Variants in RAB37 observed in about 807,000 individuals in gnomAD.
The protein encoded by RAB37 is ras-related protein Rab-37.
RAB37 carries 29 observed loss-of-function variants against 33.1 expected under a neutral mutation model. That is an observed-to-expected ratio of 0.88 (90% CI 0.65 to 1.20). The LOEUF is 1.20. Among genes scored for constraint, RAB37 ranks in the 50% most tolerant of loss-of-function variants. The pLI, the probability that RAB37 is intolerant of heterozygous loss-of-function variation, is 0.00. For missense variants in RAB37, 299 were observed against 301.1 expected (o/e 0.99, Z 0.05); for synonymous variants, 128 against 119.5 (o/e 1.07, Z -0.47).
chr17:74,683,805 C>A (rs1053140774), intron 1 of RAB37, among the ~76,000 whole-genome samples: 6 of 152,074 alleles, frequency 3.9e-5, no homozygotes, highest in Non-Finnish European at 8.8e-5. Flanking sequence ...ATGCTTTGGG[C>A]CAGATGGCAA....
rs1393913317 is a variant in RAB37 at position 74,730,249 on chromosome 17, T to C, written c.183+883T>C. 6.6e-6 allele frequency among the ~76,000 whole-genome samples: 1 copy of C among 152,178 alleles called. No individual in the cohort carries two copies. The highest frequency in any genetic ancestry group is 1.5e-5 in the Non-Finnish European group (1 of 68,040). On this transcript the variant is annotated intron_variant, in intron 2 of 7. Transcript: ENST00000340415. The surrounding 1 kb of genome is among the most constrained non-coding windows in gnomAD (Gnocchi z 4.4). ...GATGGGGAAGAGCAAACATCTCTTC[T>C]TGGACAACGCGGATGTTTGGGAACC...
intron 1 of RAB37, among the ~76,000 whole-genome samples, chr17:74,701,325 C>A (rs1404232261): frequency 1.3e-5 from 2 of 152,256 alleles, no homozygotes; most frequent in Non-Finnish European, 2.9e-5. Flanking sequence ...ATTCTTGTAC[C>A]CTTTTTAATT....
intron 1 of RAB37, among the ~76,000 whole-genome samples, chr17:74,706,864 T>G (rs915381379): frequency 6.6e-6 from 1 of 152,128 alleles, no homozygotes; most frequent in African/African-American, 2.4e-5. Context: ...AAGCGGGCCC[T>G]GTGACAAGAA....
intron 1 of RAB37, among the ~76,000 whole-genome samples, chr17:74,728,693 C>T (rs1212499991): frequency 1.3e-5 from 2 of 149,272 alleles, no homozygotes; most frequent in African/African-American, 4.9e-5. Flanking sequence ...CATGTGTGTT[C>T]TGTGCATGTG....
chr17:74,703,252 T>C (rs1050221258), intron 1 of RAB37: 18 of 796,280 alleles, frequency 2.3e-5, no homozygotes, highest in Non-Finnish European at 1.4e-5. Flanking sequence ...GGACTGCTAC[T>C]ATGGGAAGGG....
At chr17:74,732,367 C>T (rs769878770), upstream of RAB37, among the ~76,000 whole-genome samples, 10 of 151,318 alleles carry the variant, frequency 6.6e-5, no homozygotes, top group Non-Finnish European at 1.2e-4. Flanking sequence ...TCCCACATCC[C>T]GACCCTGTGC....
intron 2 of RAB37, among the ~76,000 whole-genome samples, chr17:74,741,560 T>C (rs986032961): frequency 2.3e-5 from 3 of 133,148 alleles, no homozygotes; most frequent in African/African-American, 6.1e-5. Context: ...CACTCCAGCC[T>C]GGGCAACAAA....
intron 1 of RAB37, among the ~76,000 whole-genome samples, chr17:74,706,008 C>A (rs2033474518): frequency 6.6e-6 from 1 of 152,114 alleles, no homozygotes; most frequent in South Asian, 2.1e-4. Flanking sequence ...AAACCAAATA[C>A]CGCATGTTCT....
chr17:74,671,650 C>T lies in RAB37; in HGVS notation c.64C>T (p.Leu22=). 6.2e-7 allele frequency: 1 copy of T among 1,614,180 alleles called. No homozygotes were observed. Among genetic ancestry groups the T allele is most frequent in the South Asian group, 1.1e-5 (1 of 91,086 alleles). Reference sequence around the variant, plus strand: ...TGGCCCTGACTTCAACGACCACGTCCTGCATAAGGTAAACATCTCCTGTAT... The same window carrying T: ...TGGCCCTGACTTCAACGACCACGTCTTGCATAAGGTAAACATCTCCTGTAT... Residue 22 remains leucine (L), a synonymous_variant, in exon 1 of 8, where the codon CTG becomes TTG. Coordinates refer to the RAB37 transcript ENST00000340415. This position sits in a 1 kb window ranked among gnomAD's most constrained non-coding sequence, Gnocchi z 5.0.
intron 1 of RAB37, among the ~76,000 whole-genome samples, chr17:74,710,093 C>T (rs1450948086): frequency 6.6e-6 from 1 of 152,150 alleles, no homozygotes; most frequent in Non-Finnish European, 1.5e-5. Context: ...ATTCTCCTGC[C>T]TCAGCCTCCT....
chr17:74,677,528 A>G (rs16978167), intron 1 of RAB37: 3 of 152,074 alleles, frequency 2.0e-5, no homozygotes, highest in East Asian at 1.9e-4. Context: ...ACTAGTTCCA[A>G]TTCTCAAAGA....
At chr17:74,707,467 C>A (rs1010093707) in intron 1 of RAB37, among the ~76,000 whole-genome samples, 3 of 152,202 alleles carry the variant, frequency 2.0e-5, no homozygotes, top group African/African-American at 7.2e-5. Flanking sequence ...GTAATTCCAG[C>A]ACTTTGGGAG....
At position 74,686,240 on chromosome 17, in the gene RAB37, C is replaced by T. The variant is rs575096015; in HGVS notation, c.72+14582C>T. The stretch of plus-strand genomic sequence containing the variant: ...CCAGGTAGCTGGGGTTACAGGCACA[C>T]GCCACCATGCCTGGCTAATTTTTTG... On this transcript the variant is annotated intron_variant, in intron 1 of 7. Transcript: ENST00000340415. Among the ~76,000 whole-genome samples the T allele has an allele frequency of 2.0e-4, 30 of 152,166 alleles. 1 individual carries two copies. Among genetic ancestry groups the T allele is most frequent in the Middle Eastern group, 6.8e-3 (2 of 294 alleles).
At chr17:74,722,216 G>C (rs1031191764) in intron 1 of RAB37, among the ~76,000 whole-genome samples, 23 of 151,610 alleles carry the variant, frequency 1.5e-4, no homozygotes, top group African/African-American at 5.3e-4. Flanking sequence ...CCGGGAGGCA[G>C]AGCTTGCAGT....
rs142586769 is a variant in RAB37 at position 74,726,340 on chromosome 17, G to A, written c.73-2916G>A. ...AATGCTGAACCCTATGTGCACCCCCGGACCTCAGTGAGCTGGAAAATGTCC... is the reference window on the plus strand; with the variant it reads ...AATGCTGAACCCTATGTGCACCCCCAGACCTCAGTGAGCTGGAAAATGTCC... On this transcript the variant is annotated intron_variant, in intron 1 of 7. Transcript: ENST00000340415. 4.5e-3 allele frequency among the ~76,000 whole-genome samples: 677 copies of A among 151,790 alleles called. 7 individuals are homozygous for A. The highest frequency in any genetic ancestry group is 0.01 in the Middle Eastern group (3 of 292).
chr17:74,693,716 G>A (rs1040829689), intron 1 of RAB37, among the ~76,000 whole-genome samples: 3 of 152,074 alleles, frequency 2.0e-5, no homozygotes, highest in Non-Finnish European at 4.4e-5. Context: ...ATCACTTGAG[G>A]CCAGGAGTTC....
chr17:74,722,569 T>A (rs2034256516), intron 1 of RAB37, among the ~76,000 whole-genome samples: 1 of 152,198 alleles, frequency 6.6e-6, no homozygotes, highest in Admixed American at 6.5e-5. Context: ...CACAGCAACA[T>A]CTAGATTAGT....
chr17:74,704,851 A>AC lies in RAB37; in HGVS notation c.73-24401dup, dbSNP rs1468034963. 3.9e-6 allele frequency: 6 copies of AC among 1,536,460 alleles called. No individual in the cohort carries two copies. In the South Asian group the frequency reaches 7.1e-5, roughly 18 times the overall value. On this transcript the variant is annotated intron_variant, in intron 1 of 7. Transcript: ENST00000340415. ...ACAAATTCATGTGCTGTCACCTCCC[A>AC]CCCCAAGGGCAGGGCCACAGCTTTC...
At chr17:74,720,257 G>A (rs2034221227) in intron 1 of RAB37, among the ~76,000 whole-genome samples, 2 of 152,168 alleles carry the variant, frequency 1.3e-5, no homozygotes, top group African/African-American at 4.8e-5. Context: ...TTGGGCTCTG[G>A]CCCCACGGCA....
Sources: gnomAD v4.1 joint callset for allele counts (sites outside exome capture counted in the v4.1 genomes callset) on GRCh38, gnomAD v4.1.1 for gene constraint, Gnocchi (gnomAD v3.1) non-coding constraint, MANE v1.5 for transcripts, NCBI Gene and HGNC (gene_info 2026-07-23, HGNC 2026-07-21) for gene names.